Variants in FLACC1 observed in about 807,000 individuals in gnomAD.
FLACC1 encodes the protein flagellum-associated coiled-coil domain-containing protein 1.
In FLACC1, 66 loss-of-function variants were observed where a neutral mutation model predicts 62.8. That is an observed-to-expected ratio of 1.05 (90% CI 0.86 to 1.29). The LOEUF (loss-of-function observed/expected upper bound fraction) is 1.29. Ranked by LOEUF, FLACC1 falls within the 50% of genes most tolerant of loss-of-function variation. FLACC1 has a pLI of 0.00. For synonymous variants in FLACC1, 156 were observed against 161.0 expected, an observed-to-expected ratio of 0.97 and a Z score of 0.24; for missense variants, 452 against 489.1, an observed-to-expected ratio of 0.92 and a Z score of 0.71.
chr2:201,350,766 G>T lies in FLACC1; in HGVS notation c.130C>A (p.Pro44Thr). The T allele has an allele frequency of 6.2e-7, 1 of 1,613,320 alleles. No individual in the cohort carries two copies. The highest frequency in any genetic ancestry group is 2.2e-5 in the East Asian group (1 of 44,882). ...TGSSKLTPLV[P>T]APKNHNYLQP... is the part of the protein sequence containing the mutation. ...AGGTAATTGTGATTTTTTGGAGCTG[G>T]TACAAGAGGAGTTAGCCTGAAAGTG... The change falls in exon 3 of 15, where the codon CCA (proline) becomes ACA (threonine). Residue 44 changes from proline to threonine, a missense_variant. Pro to Thr is a conservative substitution (Grantham distance 38). Transcript: ENST00000392257.
intron 11 of FLACC1, 134 bp from the exon 12 acceptor site, chr2:201,299,434 T>C (rs1221822602): frequency 1.6e-6 from 1 of 626,620 alleles, no homozygotes; most frequent in Non-Finnish European, 2.8e-6. Context: ...GAAGCACACA[T>C]TATAAACTAG....
intron 7 of FLACC1, among the ~76,000 whole-genome samples, chr2:201,341,410 T>A (rs796309735): frequency 5.5e-5 from 8 of 144,596 alleles, no homozygotes; most frequent in African/African-American, 1.0e-4. Flanking sequence ...TATATATATA[T>A]AAATCATATA....
intron 7 of FLACC1, among the ~76,000 whole-genome samples, chr2:201,341,309 T>G (rs1950803260): frequency 6.6e-6 from 1 of 151,936 alleles, no homozygotes; most frequent in Non-Finnish European, 1.5e-5. Context: ...TAGGATTATC[T>G]TCACCCATAC....
chr2:201,331,298 T>C (rs1950590005), intron 7 of FLACC1, among the ~76,000 whole-genome samples: 2 of 152,118 alleles, frequency 1.3e-5, no homozygotes, highest in Non-Finnish European at 2.9e-5. Context: ...TGAAGCATTA[T>C]CCTGGCATCT....
intron 9 of FLACC1, among the ~76,000 whole-genome samples, chr2:201,313,038 G>A (rs73047482): frequency 6.6e-6 from 1 of 152,216 alleles, no homozygotes; most frequent in Non-Finnish European, 1.5e-5. Flanking sequence ...TAGGGGTAAA[G>A]GAAGTAGCAG....
chr2:201,352,298 C>T (rs933789030), intron 1 of FLACC1, among the ~76,000 whole-genome samples: 4 of 152,142 alleles, frequency 2.6e-5, no homozygotes, highest in Non-Finnish European at 5.9e-5. Flanking sequence ...TTCCTGGTCA[C>T]CTTCTTGAAT....
At chr2:201,291,638 T>A (rs1949737453) in intron 12 of FLACC1, among the ~76,000 whole-genome samples, 1 of 152,198 alleles carries the variant, frequency 6.6e-6, no homozygotes. Context: ...TCCAAAGGAA[T>A]GCAGCTCCTC....
chr2:201,302,832 T>G (rs1237894388), intron 11 of FLACC1, among the ~76,000 whole-genome samples: 1 of 152,132 alleles, frequency 6.6e-6, no homozygotes, highest in African/African-American at 2.4e-5. Context: ...GAATGACTAC[T>G]GGGTACATAA....
At chr2:201,288,834 T>C in intron 14 of FLACC1, 53 bp from the exon 15 acceptor site, 1 of 1,593,422 alleles carries the variant, frequency 6.3e-7, no homozygotes, top group South Asian at 1.1e-5. Flanking sequence ...CTAGAAAGGG[T>C]ATAGGATATT....
rs1949928553 is a variant in FLACC1 at position 201,299,270 on chromosome 2, A to G, written c.910T>C (p.Leu304=). The change falls in exon 12 of 15, where the codon TTG becomes CTG. Residue 304 remains leucine, a synonymous_variant. Transcript: ENST00000392257. ...GTTTTTCTCAGCTCTTCTAATTGCA[A>G]GGTGTCACTTTGATGTTGTTTCAAG... is the stretch of plus-strand genomic sequence containing the variant. The part of the protein sequence containing the change: ...ELLKQHQSDT[L]QLEELRKTKE... The G allele has an allele frequency of 5.0e-6, 8 of 1,613,668 alleles. No individual in the cohort carries two copies. In the South Asian group the frequency reaches 7.7e-5, roughly 16 times the overall value.
chr2:201,293,557 C>T (rs1949787915), intron 12 of FLACC1, among the ~76,000 whole-genome samples: 1 of 152,098 alleles, frequency 6.6e-6, no homozygotes. Context: ...TAAATGCCCA[C>T]AAGAGAAAGC....
At chr2:201,302,110 A>C (rs1241072363) in intron 11 of FLACC1, among the ~76,000 whole-genome samples, 1 of 152,234 alleles carries the variant, frequency 6.6e-6, no homozygotes, top group Non-Finnish European at 1.5e-5. Context: ...TAAATGGGCT[A>C]AATGCTCCAA....
chr2:201,340,575 T>C (rs775441127), intron 7 of FLACC1, among the ~76,000 whole-genome samples: 3 of 152,228 alleles, frequency 2.0e-5, no homozygotes, highest in Non-Finnish European at 2.9e-5. Flanking sequence ...TGATTTATCA[T>C]TGAAAATTTA....
chr2:201,344,950 G>A (rs942264784), intron 5 of FLACC1, among the ~76,000 whole-genome samples: 1 of 152,182 alleles, frequency 6.6e-6, no homozygotes, highest in Admixed American at 6.5e-5. Flanking sequence ...CAAGAGAGGA[G>A]ATACAGGAGG....
the FLACC1 span, among the ~76,000 whole-genome samples, chr2:201,364,098 A>C: frequency 6.6e-6 from 1 of 152,314 alleles, no homozygotes; most frequent in East Asian, 1.9e-4. Context: ...ACTCAGTCAC[A>C]TTGGCCATAG....
chr2:201,351,094 A>C (rs1309310880), intron 2 of FLACC1, among the ~76,000 whole-genome samples, 198 bp downstream of exon 2: 2 of 152,316 alleles, frequency 1.3e-5, no homozygotes, highest in Middle Eastern at 3.4e-3. Context: ...CCTCATTTAA[A>C]ATGGCACAAA....
intron 1 of FLACC1, among the ~76,000 whole-genome samples, chr2:201,354,432 G>A (rs931406681): frequency 6.6e-6 from 1 of 152,304 alleles, no homozygotes. Context: ...TGCAATAGAG[G>A]TCAGGGCTAG....
chr2:201,348,193 C>T (rs1185344057), intron 4 of FLACC1, 61 bp downstream of exon 4: 7 of 1,531,812 alleles, frequency 4.6e-6, no homozygotes, highest in African/African-American at 2.8e-5. Flanking sequence ...AGGGCCCATG[C>T]TTGCACATAG....
chr2:201,344,389 T>G, intron 5 of FLACC1, 126 bp from the exon 6 acceptor site: 1 of 731,648 alleles, frequency 1.4e-6, no homozygotes. Flanking sequence ...GTTCTGCACC[T>G]GCTCTATCAT....
Sources: allele counts gnomAD v4.1 joint callset (sites outside exome capture counted in the v4.1 genomes callset), GRCh38; gene constraint gnomAD v4.1.1; transcripts MANE v1.5; gene names NCBI Gene and HGNC (gene_info 2026-07-23, HGNC 2026-07-21).